The following MYO16 variants were observed in gnomAD, a reference collection of about 807,000 sequenced individuals.
The protein encoded by MYO16 is myosin XVI, also known as unconventional myosin-XVI.
In MYO16, 94 loss-of-function variants were observed where a neutral mutation model predicts 205.3. The ratio of observed to expected loss-of-function variants is 0.46; its 90% CI spans 0.39 to 0.54. MYO16 has a LOEUF of 0.54. Among genes scored for constraint, MYO16 ranks in the 20% least tolerant of loss-of-function variants. The pLI, the probability that MYO16 is intolerant of heterozygous loss-of-function variation, is 0.00. For missense variants in MYO16, 2,315 were observed against 2,387.5 expected (o/e 0.97, Z 0.63); for synonymous variants, 988 against 954.0 (o/e 1.04, Z -0.66).
At chr13:108,670,233 G>A (rs1192294925) in intron 2 of MYO16, among the ~76,000 whole-genome samples, 5 of 152,156 alleles carry the variant, frequency 3.3e-5, no homozygotes, top group African/African-American at 1.2e-4. Flanking sequence ...CTTCAGCTGG[G>A]ATCACCTCTA....
At chr13:108,769,764 T>C (rs1436065587) in intron 4 of MYO16, among the ~76,000 whole-genome samples, 1 of 152,126 alleles carries the variant, frequency 6.6e-6, no homozygotes, top group South Asian at 2.1e-4. Context: ...TTGACAAGTA[T>C]GGCAAGAGAG....
At chr13:109,147,245 G>A (rs1488656700) in intron 32 of MYO16, among the ~76,000 whole-genome samples, 5 of 151,870 alleles carry the variant, frequency 3.3e-5, no homozygotes, top group East Asian at 1.9e-4. Context: ...TCAAAGACAC[G>A]CAATTGCATC....
intron 4 of MYO16, among the ~76,000 whole-genome samples, chr13:108,761,511 C>G (rs943473492): frequency 6.6e-6 from 1 of 151,938 alleles, no homozygotes; most frequent in Non-Finnish European, 1.5e-5. Flanking sequence ...TAATAGGTAG[C>G]GAAAGTATAG....
At chr13:108,929,260 A>G (rs1030793944) in intron 16 of MYO16, among the ~76,000 whole-genome samples, 4 of 152,234 alleles carry the variant, frequency 2.6e-5, no homozygotes, top group Non-Finnish European at 5.9e-5. Context: ...AAAATTAAAG[A>G]TGAAGAAATC....
In MYO16 at chr13:108,712,740, C is replaced by T. The variant is rs371939578; in HGVS notation, c.363+9C>T. On this transcript the variant is annotated intron_variant, in intron 3 of 34. Transcript: ENST00000457511. ...GGTCCCTGCTCCATCTGGTAAGAACCGCGACAGTCAGTGCCAGTGCATGGG... is the reference window on the plus strand; with the variant it reads ...GGTCCCTGCTCCATCTGGTAAGAACTGCGACAGTCAGTGCCAGTGCATGGG... The T allele has an allele frequency of 1.5e-5, 24 of 1,610,024 alleles. 1 individual carries two copies. The South Asian group carries it at 1.9e-4, about 13-fold the overall frequency.
rs776068150 is a variant in MYO16, at chr13:109,127,479, A to G, written c.3980A>G (p.Asn1327Ser). The G allele has an allele frequency of 1.9e-6, 3 of 1,613,822 alleles. No individual in the cohort carries two copies. The highest frequency in any genetic ancestry group is 1.1e-5 in the South Asian group (1 of 91,074). Residue 1327 changes from asparagine (N) to serine (S), a missense_variant, in exon 31 of 35, where the codon AAC becomes AGC. This residue lies in a region of MYO16 where 1,097 missense variants were observed against 1,092.0 expected (regional missense o/e 1.00). Coordinates refer to ENST00000457511, the MANE Select transcript of MYO16 (RefSeq NM_001198950.3). This position sits in a 1 kb window ranked among gnomAD's most constrained non-coding sequence, Gnocchi z 4.2. ...CCGCCCAAGCCAAAGAGGGACCCCA[A>G]CACCCGGCTGAGTGCTTCCTATGAG... ...QPPPKPKRDPNTRLSASYEAV... is the reference protein window; with the variant it reads ...QPPPKPKRDPSTRLSASYEAV...
At chr13:108,937,495 A>AAAAG (rs1882541859) in intron 16 of MYO16, among the ~76,000 whole-genome samples, 2 of 152,174 alleles carry the variant, frequency 1.3e-5, no homozygotes, top group Non-Finnish European at 2.9e-5. Context: ...TTTCTTTCAG[A>AAAAG]AATGCCAGTA....
the MYO16 span, among the ~76,000 whole-genome samples, chr13:108,573,713 C>T: frequency 6.6e-6 from 1 of 152,320 alleles, no homozygotes; most frequent in Non-Finnish European, 1.5e-5. Flanking sequence ...GTGTAGCAGC[C>T]TCTCAGACTT....
chr13:108,848,183 C>T (rs2139081659), intron 10 of MYO16, among the ~76,000 whole-genome samples: 1 of 152,214 alleles, frequency 6.6e-6, no homozygotes, highest in East Asian at 1.9e-4. Context: ...TATAGACTGA[C>T]TGTATGTGAC....
chr13:108,627,692 C>G (rs944486870), upstream of MYO16, among the ~76,000 whole-genome samples: 1 of 152,098 alleles, frequency 6.6e-6, no homozygotes, highest in Non-Finnish European at 1.5e-5. Context: ...AAAAGTAGGG[C>G]TCAAATCAAT....
the MYO16 span, among the ~76,000 whole-genome samples, chr13:108,536,114 A>C: frequency 6.6e-6 from 1 of 152,138 alleles, no homozygotes; most frequent in Non-Finnish European, 1.5e-5. Flanking sequence ...ATTTTTAAAA[A>C]TCAATGCCAT....
intron 28 of MYO16, among the ~76,000 whole-genome samples, chr13:109,110,229 CTTTG>C (rs1889243267): frequency 6.6e-6 from 1 of 152,158 alleles, no homozygotes; most frequent in Admixed American, 6.5e-5. Flanking sequence ...AGCTAATTAC[CTTTG>C]TTTGGGTGTG....
chr13:108,809,462 T>A (rs1339201416), intron 7 of MYO16, among the ~76,000 whole-genome samples: 1 of 152,178 alleles, frequency 6.6e-6, no homozygotes, highest in Non-Finnish European at 1.5e-5. Flanking sequence ...GCTGGGCTTC[T>A]GGGGAGGCCT....
At chr13:108,564,099 T>C in the MYO16 span, among the ~76,000 whole-genome samples, 1 of 152,310 alleles carries the variant, frequency 6.6e-6, no homozygotes, top group Non-Finnish European at 1.5e-5. Flanking sequence ...TCAATAATGT[T>C]GAGCAATCTT....
chr13:108,982,649 G>T (rs1349124888), intron 20 of MYO16, among the ~76,000 whole-genome samples: 1 of 152,048 alleles, frequency 6.6e-6, no homozygotes, highest in African/African-American at 2.4e-5. Context: ...TTCCTATTCT[G>T]AGCCTACTAC....
intron 1 of MYO16, among the ~76,000 whole-genome samples, chr13:108,624,297 A>T (rs1357291379): frequency 6.6e-6 from 1 of 152,192 alleles, no homozygotes; most frequent in Non-Finnish European, 1.5e-5. Context: ...GTAATCGCTA[A>T]ACTTGCTTCG....
intron 20 of MYO16, among the ~76,000 whole-genome samples, chr13:108,975,118 T>C (rs1236244324): frequency 1.3e-5 from 2 of 152,152 alleles, no homozygotes; most frequent in Admixed American, 1.3e-4. Flanking sequence ...TGTAAAATCC[T>C]TGGTATGCTT....
At chr13:108,523,764 C>G in the MYO16 span, among the ~76,000 whole-genome samples, 1 of 152,212 alleles carries the variant, frequency 6.6e-6, no homozygotes, top group Non-Finnish European at 1.5e-5. Context: ...CCTCCTGTTC[C>G]AGGAACTTTA....
chr13:108,925,870 A>G (rs1881976138), intron 16 of MYO16, among the ~76,000 whole-genome samples: 1 of 152,182 alleles, frequency 6.6e-6, no homozygotes, highest in South Asian at 2.1e-4. Context: ...TTTCTAAAGT[A>G]GAAGTCTGAT....
Sources: allele counts gnomAD v4.1 joint callset (sites outside exome capture counted in the v4.1 genomes callset), GRCh38; gene constraint gnomAD v4.1.1; regional missense constraint gnomAD v4.1.1; non-coding constraint Gnocchi (gnomAD v3.1); transcripts MANE v1.5; gene names NCBI Gene and HGNC (gene_info 2026-07-23, HGNC 2026-07-21).